The following PPFIA4 variants were observed in gnomAD, a reference collection of about 807,000 sequenced individuals.
The protein encoded by PPFIA4 is PPFI scaffold protein A4, also known as liprin-alpha-4.
In PPFIA4, 98 loss-of-function variants were observed where a neutral mutation model predicts 145.7. The ratio of observed to expected loss-of-function variants is 0.67; its 90% CI spans 0.57 to 0.80. The LOEUF is 0.80. Among genes scored for constraint, PPFIA4 ranks in the 30% least tolerant of loss-of-function variants. The probability of loss-of-function intolerance (pLI) is 0.00; values close to 1 mark genes in which losing one functional copy is unlikely to be tolerated. For missense variants in PPFIA4, 1,457 were observed against 1,632.7 expected (o/e 0.89, Z 1.85); for synonymous variants, 628 against 649.6 (o/e 0.97, Z 0.51).
At position 203,060,890 on chromosome 1, in the gene PPFIA4, C is replaced by G; in HGVS notation, c.2785-80C>G. On this transcript the variant is annotated intron_variant, in intron 22 of 29. Transcript: ENST00000295706. This position sits in a 1 kb window ranked among gnomAD's most constrained non-coding sequence, Gnocchi z 4.8. ...GAGGACTCAGGGAGGGAGCTTTGTC[C>G]TTGTCCTTTGGGCTCCCAGCCTGAT... 7.5e-7 allele frequency: 1 copy of G among 1,341,444 alleles called. No individual in the cohort carries two copies. Among genetic ancestry groups the G allele is most frequent in the Admixed American group, 1.7e-5 (1 of 58,876 alleles). 83.1% of individuals were successfully genotyped at this position (1,341,444 alleles called of 1,614,324 possible). A position where few individuals can be genotyped will look rare whatever the true frequency, so the allele number is the denominator to read the frequency against.
At position 203,043,280 on chromosome 1, in the gene PPFIA4, G is replaced by A. The variant is rs1659826464; in HGVS notation, c.235-117G>A. 1.2e-6 allele frequency: 1 copy of A among 835,652 alleles called. No individual in the cohort carries two copies. The highest frequency in any genetic ancestry group is 1.7e-5 in the African/African-American group (1 of 59,064). 51.8% of individuals were successfully genotyped at this position (835,652 alleles called of 1,614,324 possible). On this transcript the variant is annotated intron_variant, in intron 2 of 29. Transcript: ENST00000295706. The surrounding 1 kb of genome is among the most constrained non-coding windows in gnomAD (Gnocchi z 4.4). ...TGCAGTGTGGATGGATTGGGATTTTGTGGGGGAGGTGGTGGAAGTAAGGGA... is the reference window on the plus strand; with the variant it reads ...TGCAGTGTGGATGGATTGGGATTTTATGGGGGAGGTGGTGGAAGTAAGGGA...
intron 19 of PPFIA4, among the ~76,000 whole-genome samples, chr1:203,057,776 C>T (rs960161413): frequency 6.6e-6 from 1 of 152,176 alleles, no homozygotes; most frequent in African/African-American, 2.4e-5. Flanking sequence ...CAGAACTCGG[C>T]TATGGAATGG....
chr1:203,045,362 C>T lies in PPFIA4; in HGVS notation c.667-6C>T, dbSNP rs541912523. 3 of 1,582,984 alleles carry T rather than the reference C, an allele frequency of 1.9e-6. No individual in the cohort carries two copies. The highest frequency in any genetic ancestry group is 2.6e-6 in the Non-Finnish European group (3 of 1,165,310). On this transcript the variant is annotated splice_region_variant and splice_polypyrimidine_tract_variant and intron_variant, in intron 6 of 29. Coordinates refer to ENST00000295706, the MANE Select transcript of PPFIA4 (RefSeq NM_001304331.2). The stretch of plus-strand genomic sequence containing the variant: ...ACTCACAGAGCTACTGTCCCTATCC[C>T]TGGAGGAGGATACGGGCCGGGTAGA...
chr1:203,045,069 G>A (rs753141909), intron 6 of PPFIA4, among the ~76,000 whole-genome samples: 3 of 152,254 alleles, frequency 2.0e-5, no homozygotes, highest in African/African-American at 4.8e-5. Flanking sequence ...TTCCTTCTCT[G>A]TCTGAACCTT....
At chr1:203,072,509 G>A (rs1662242611) in intron 28 of PPFIA4, among the ~76,000 whole-genome samples, 2 of 152,172 alleles carry the variant, frequency 1.3e-5, no homozygotes, top group Non-Finnish European at 2.9e-5. Context: ...GTTTTGCACT[G>A]GTTTGCTGAG....
In PPFIA4 at chr1:203,060,927, G is replaced by A. The variant is rs577646518; in HGVS notation, c.2785-43G>A. ...GCTCCCAGCCTGATGGGGATCCTGG[G>A]GACCCACACCCAGGACCAGCTAGGT... On this transcript the variant is annotated intron_variant, in intron 22 of 29. Coordinates refer to ENST00000295706, the MANE Select transcript of PPFIA4 (RefSeq NM_001304331.2). This position sits in a 1 kb window ranked among gnomAD's most constrained non-coding sequence, Gnocchi z 4.8. 4.4e-6 allele frequency: 7 copies of A among 1,596,030 alleles called. No individual in the cohort carries two copies. The African/African-American group carries it at 8.0e-5, about 18-fold the overall frequency.
At chr1:203,070,671 A>G (rs996303286) in intron 27 of PPFIA4, among the ~76,000 whole-genome samples, 1 of 152,024 alleles carries the variant, frequency 6.6e-6, no homozygotes, top group Non-Finnish European at 1.5e-5. Context: ...AAAACTCTGA[A>G]TGAGTTAATC....
chr1:203,060,431 C>G lies in PPFIA4; in HGVS notation c.2784+14C>G. 6.2e-7 allele frequency: 1 copy of G among 1,611,072 alleles called. No homozygotes were observed. The highest frequency in any genetic ancestry group is 1.6e-4 in the Middle Eastern group (1 of 6,062). On this transcript the variant is annotated intron_variant, in intron 22 of 29. Transcript: ENST00000295706. This position sits in a 1 kb window ranked among gnomAD's most constrained non-coding sequence, Gnocchi z 4.8. ...ACCTCCAGGACTGTGAGTGGCCCCT[C>G]CTTTGCCCAGGACATTTTCAGAGGT...
chr1:203,076,470 C>A lies in PPFIA4; in HGVS notation c.*80C>A. 1 of 1,348,938 alleles carries A rather than the reference C, an allele frequency of 7.4e-7. No individual in the cohort carries two copies. The highest frequency in any genetic ancestry group is 1.2e-5 in the South Asian group (1 of 85,256). The allele number at this position is 1,348,938 out of a possible 1,614,324, so 83.6% of individuals were successfully genotyped here. Reference sequence around the variant, plus strand: ...CTGACCCCTCTTGCTCGTTCCCCTTCCTTCCGCAGCTCCTAGTCTCGTCCG... The same window carrying A: ...CTGACCCCTCTTGCTCGTTCCCCTTACTTCCGCAGCTCCTAGTCTCGTCCG... On this transcript the variant is annotated 3_prime_UTR_variant, in exon 30 of 30. Transcript: ENST00000295706.
rs1273207347 is a variant in PPFIA4 at position 203,077,134 on chromosome 1, T to C, written c.*744T>C. The C allele has an allele frequency of 6.6e-6, 1 of 152,276 alleles. No individual in the cohort carries two copies. The highest frequency in any genetic ancestry group is 6.5e-5 in the Admixed American group (1 of 15,278). The allele number at this position is 152,276 out of a possible 1,614,324, so 9.4% of individuals were successfully genotyped here. A position where few individuals can be genotyped will look rare whatever the true frequency, so the allele number is the denominator to read the frequency against. On this transcript the variant is annotated 3_prime_UTR_variant, in exon 30 of 30. Transcript: ENST00000295706. ...GCCAAGGGTGAGGATGGGGAAACTC[T>C]AAGCTCCCACCTAATAAGAAGCATA...
chr1:203,060,122 C>T lies in PPFIA4; in HGVS notation c.2584-95C>T, dbSNP rs768515499. ...ATGATCTGTATTTGCTATTCGAGTCCGTGGATGAGGCCTGGCCCTTGCCCC... is the reference window on the plus strand; with the variant it reads ...ATGATCTGTATTTGCTATTCGAGTCTGTGGATGAGGCCTGGCCCTTGCCCC... On this transcript the variant is annotated intron_variant, in intron 21 of 29. Coordinates refer to ENST00000295706, the MANE Select transcript of PPFIA4 (RefSeq NM_001304331.2). The surrounding 1 kb of genome is among the most constrained non-coding windows in gnomAD (Gnocchi z 4.8). 3.6e-5 allele frequency: 43 copies of T among 1,210,760 alleles called. No homozygotes were observed. In the South Asian group the frequency reaches 4.1e-4, roughly 12 times the overall value. The allele number at this position is 1,210,760 out of a possible 1,614,324, so 75.0% of individuals were successfully genotyped here.
chr1:203,044,873 A>G, intron 6 of PPFIA4, 88 bp downstream of exon 6: 1 of 1,047,714 alleles, frequency 9.5e-7, no homozygotes, highest in Non-Finnish European at 1.4e-6. Flanking sequence ...TCAGTAGACT[A>G]ACTGCTTGAA....
Position 203,048,452 on chromosome 1 carries a change from G to C in PPFIA4, c.1225-131G>C. ...GGGAGGAGGCTGGCAGGTGAAGGGG[G>C]AGGTGGTCAGGAGACTGGAGAGAGT... On this transcript the variant is annotated intron_variant, in intron 10 of 29. Coordinates refer to ENST00000295706, the MANE Select transcript of PPFIA4 (RefSeq NM_001304331.2). The surrounding 1 kb of genome is among the most constrained non-coding windows in gnomAD (Gnocchi z 5.8). 1 of 1,466,564 alleles carries C rather than the reference G, an allele frequency of 6.8e-7. No individual in the cohort carries two copies. The highest frequency in any genetic ancestry group is 2.5e-5 in the East Asian group (1 of 40,506). 90.8% of individuals were successfully genotyped at this position (1,466,564 alleles called of 1,614,324 possible). A position where few individuals can be genotyped will look rare whatever the true frequency, so the allele number is the denominator to read the frequency against.
Position 203,043,586 on chromosome 1 carries a change from A to G in PPFIA4, c.336+88A>G. The G allele has an allele frequency of 8.2e-7, 1 of 1,222,572 alleles. No individual in the cohort carries two copies. The highest frequency in any genetic ancestry group is 1.2e-6 in the Non-Finnish European group (1 of 853,020). The allele number at this position is 1,222,572 out of a possible 1,614,324, so 75.7% of individuals were successfully genotyped here. On this transcript the variant is annotated intron_variant, in intron 3 of 29. Coordinates refer to ENST00000295706, the MANE Select transcript of PPFIA4 (RefSeq NM_001304331.2). This position sits in a 1 kb window ranked among gnomAD's most constrained non-coding sequence, Gnocchi z 4.4. ...TTGTGAACACCTTGACCAAGAGAGC[A>G]GGCAAGAGTGGGGCCAGGCACAGTC...
chr1:203,034,287 G>A (rs1045205636), intron 1 of PPFIA4, among the ~76,000 whole-genome samples: 3 of 152,170 alleles, frequency 2.0e-5, no homozygotes, highest in African/African-American at 7.2e-5. Flanking sequence ...CTATAGGTGG[G>A]TCCTGGGAGC....
At position 203,060,544 on chromosome 1, in the gene PPFIA4, G is replaced by T; in HGVS notation, c.2784+127G>T. 1.0e-6 allele frequency: 1 copy of T among 959,756 alleles called. No individual in the cohort carries two copies. The highest frequency in any genetic ancestry group is 1.6e-6 in the Non-Finnish European group (1 of 634,444). The allele number at this position is 959,756 out of a possible 1,614,324, so 59.5% of individuals were successfully genotyped here. A position where few individuals can be genotyped will look rare whatever the true frequency, so the allele number is the denominator to read the frequency against. ...CCCCTTCCTTCCCATCCTCACAAAG[G>T]GCTCTCCCTGGTCTTCAGGAGGATA... On this transcript the variant is annotated intron_variant, in intron 22 of 29. Transcript: ENST00000295706. The surrounding 1 kb of genome is among the most constrained non-coding windows in gnomAD (Gnocchi z 4.8).
At chr1:203,067,008 T>C (rs1289697974) in intron 25 of PPFIA4, among the ~76,000 whole-genome samples, 2 of 152,162 alleles carry the variant, frequency 1.3e-5, no homozygotes, top group African/African-American at 4.8e-5. Flanking sequence ...ATGGTGATAA[T>C]TGCAATTTTA....
chr1:203,063,974 C>T lies in PPFIA4; in HGVS notation c.3021C>T (p.Val1007=). 2 of 1,613,778 alleles carry T rather than the reference C, an allele frequency of 1.2e-6. No homozygotes were observed. The highest frequency in any genetic ancestry group is 1.7e-6 in the Non-Finnish European group (2 of 1,179,898). Reference sequence around the variant, plus strand: ...ACCTCACCAAGAAGGACCTGCGGGTCCACCTGAAGATGGTGGACAGCTTCC... The same window carrying T: ...ACCTCACCAAGAAGGACCTGCGGGTTCACCTGAAGATGGTGGACAGCTTCC... ...LDHLTKKDLR[V]HLKMVDSFHR... is the part of the protein sequence containing the mutation. The change falls in exon 25 of 30, where the codon GTC becomes GTT. Residue 1007 remains valine, a synonymous_variant. Coordinates refer to ENST00000295706, the MANE Select transcript of PPFIA4 (RefSeq NM_001304331.2).
Position 203,048,453 on chromosome 1 carries a change from A to G in PPFIA4, c.1225-130A>G. On this transcript the variant is annotated intron_variant, in intron 10 of 29. Coordinates refer to ENST00000295706, the MANE Select transcript of PPFIA4 (RefSeq NM_001304331.2). This position sits in a 1 kb window ranked among gnomAD's most constrained non-coding sequence, Gnocchi z 5.8. ...GGAGGAGGCTGGCAGGTGAAGGGGGAGGTGGTCAGGAGACTGGAGAGAGTG... is the reference window on the plus strand; with the variant it reads ...GGAGGAGGCTGGCAGGTGAAGGGGGGGGTGGTCAGGAGACTGGAGAGAGTG... 1.4e-6 allele frequency: 2 copies of G among 1,455,286 alleles called. No homozygotes were observed. Among genetic ancestry groups the G allele is most frequent in the South Asian group, 1.2e-5 (1 of 80,136 alleles). 90.1% of individuals were successfully genotyped at this position (1,455,286 alleles called of 1,614,324 possible).
Sources: gnomAD v4.1 joint callset for allele counts (sites outside exome capture counted in the v4.1 genomes callset) on GRCh38, gnomAD v4.1.1 for gene constraint, Gnocchi (gnomAD v3.1) non-coding constraint, MANE v1.5 for transcripts, NCBI Gene and HGNC (gene_info 2026-07-23, HGNC 2026-07-21) for gene names.